The following RHOA variants were observed in gnomAD, a reference collection of about 807,000 sequenced individuals.
RHOA encodes the protein ras homolog family member A.
RHOA carries 3 observed loss-of-function variants against 17.5 expected under a neutral mutation model. That is an observed-to-expected ratio of 0.17 (90% CI 0.08 to 0.44). The LOEUF (loss-of-function observed/expected upper bound fraction) is 0.44, where lower values mean the gene tolerates loss of function less well. Ranked by LOEUF, RHOA falls within the 20% of genes least tolerant of loss-of-function variation. The probability of loss-of-function intolerance (pLI) is 0.99; values close to 1 mark genes in which losing one functional copy is unlikely to be tolerated. For synonymous variants in RHOA, 98 were observed against 88.4 expected, an observed-to-expected ratio of 1.11 and a Z score of -0.61; for missense variants, 56 against 242.3, an observed-to-expected ratio of 0.23 and a Z score of 5.10.
chr3:49,386,499 A>G (rs947525049), intron 1 of RHOA, among the ~76,000 whole-genome samples: 1 of 152,214 alleles, frequency 6.6e-6, no homozygotes, highest in Non-Finnish European at 1.5e-5. Flanking sequence ...CGTCAGTCGC[A>G]CTGCTAGCCA....
rs577925430 is a variant in RHOA, at chr3:49,402,970, G to A, written c.-3+8850C>T. Among the ~76,000 whole-genome samples the A allele has an allele frequency of 4.5e-3, 677 of 151,566 alleles. 5 individuals carry two copies. Among genetic ancestry groups the A allele is most frequent in the Non-Finnish European group, 7.9e-3 (537 of 67,950 alleles). On this transcript the variant is annotated intron_variant, in intron 1 of 4. Transcript: ENST00000418115. ...AAGAATCGCTTGAACCCGAGAGGCG[G>A]AGGTTGCAGTGAGTTGAGATCGTGC... is the stretch of plus-strand genomic sequence containing the variant.
At chr3:49,368,289 C>T in intron 3 of RHOA, 139 bp downstream of exon 3, 1 of 1,098,312 alleles carries the variant, frequency 9.1e-7, no homozygotes, top group South Asian at 1.5e-5. Context: ...CTCTACAATC[C>T]CAAACTCCAG....
intron 1 of RHOA, among the ~76,000 whole-genome samples, chr3:49,385,234 T>C (rs1200535959): frequency 6.7e-6 from 1 of 149,958 alleles, no homozygotes; most frequent in African/African-American, 2.5e-5. Flanking sequence ...TTTTTTTTTT[T>C]TTCTGAGACA....
Position 49,382,629 on chromosome 3 carries a change from C to G in RHOA, c.-2-7038G>C, listed in dbSNP as rs556060198. 9.0e-4 allele frequency among the ~76,000 whole-genome samples: 137 copies of G among 151,720 alleles called. 1 individual carries two copies. Among genetic ancestry groups the G allele is most frequent in the African/African-American group, 3.2e-3 (134 of 41,370 alleles). On this transcript the variant is annotated intron_variant, in intron 1 of 4. Transcript: ENST00000418115. ...CCAGCCTGAGTGACACAGTAAGACCCTGTCTCACCAAATAAAGATTTAATA... is the reference window on the plus strand; with the variant it reads ...CCAGCCTGAGTGACACAGTAAGACCGTGTCTCACCAAATAAAGATTTAATA...
intron 1 of RHOA, among the ~76,000 whole-genome samples, chr3:49,406,395 C>T (rs1331222803): frequency 1.3e-5 from 2 of 152,304 alleles, no homozygotes; most frequent in Middle Eastern, 3.4e-3. Context: ...AGTTAGAATG[C>T]TCAACCATAT....
At chr3:49,408,240 G>A (rs557907145) in intron 1 of RHOA, among the ~76,000 whole-genome samples, 12 of 147,002 alleles carry the variant, frequency 8.2e-5, no homozygotes, top group African/African-American at 1.5e-4. Context: ...ACGTATACAC[G>A]TATATGTACA....
chr3:49,393,729 T>TGTGTGTGAGAGAGA (rs1553635013), intron 1 of RHOA, among the ~76,000 whole-genome samples: 1 of 136,752 alleles, frequency 7.3e-6, no homozygotes, highest in African/African-American at 2.8e-5. Flanking sequence ...TGTGTGTGTG[T>TGTGTGTGAGAGAGA]GACAGAATCT....
intron 1 of RHOA, among the ~76,000 whole-genome samples, chr3:49,403,060 C>T (rs916488415): frequency 4.0e-5 from 6 of 151,154 alleles, no homozygotes; most frequent in Non-Finnish European, 4.4e-5. Context: ...AAAAGAAACC[C>T]GCCGAGCGCG....
At chr3:49,386,800 T>C (rs948621197) in intron 1 of RHOA, among the ~76,000 whole-genome samples, 8 of 152,120 alleles carry the variant, frequency 5.3e-5, no homozygotes, top group African/African-American at 1.9e-4. Context: ...ATATTCAGTA[T>C]GACCGTATGG....
At chr3:49,369,839 G>A (rs896397924) in intron 2 of RHOA, among the ~76,000 whole-genome samples, 5 of 152,276 alleles carry the variant, frequency 3.3e-5, no homozygotes, top group South Asian at 2.1e-4. Context: ...AGGCCAAGGC[G>A]GGCGGATCAC....
chr3:49,404,468 G>A (rs1335870389), intron 1 of RHOA, among the ~76,000 whole-genome samples: 2 of 9,440 alleles, frequency 2.1e-4, no homozygotes, highest in Admixed American at 1.1e-3. Flanking sequence ...AAAATTAGCC[G>A]GGCATGGTGG....
At chr3:49,408,189 TAC>T (rs1559521896) in intron 1 of RHOA, among the ~76,000 whole-genome samples, 2 of 146,614 alleles carry the variant, frequency 1.4e-5, no homozygotes, top group Non-Finnish European at 3.0e-5. Context: ...TATATATATA[TAC>T]ACACACACAT....
At chr3:49,408,096 T>A (rs1428939510) in intron 1 of RHOA, among the ~76,000 whole-genome samples, 1 of 151,876 alleles carries the variant, frequency 6.6e-6, no homozygotes, top group African/African-American at 2.4e-5. Flanking sequence ...GAGGCGGCGG[T>A]TGCAGTGAGC....
At chr3:49,360,645 G>A (rs941987547) in intron 4 of RHOA, among the ~76,000 whole-genome samples, 4 of 151,768 alleles carry the variant, frequency 2.6e-5, no homozygotes. Flanking sequence ...TTTTTTAGTA[G>A]AGATGGGGTT....
In RHOA at chr3:49,368,589, C is replaced by G. The variant is rs28372791; in HGVS notation, c.157-41G>C. Reference sequence around the variant, plus strand: ...CAACCACAAGAGTGCAAGGTTAATCCCCCCACCCACTTTTAGAAAAAGTGA... The same window carrying G: ...CAACCACAAGAGTGCAAGGTTAATCGCCCCACCCACTTTTAGAAAAAGTGA... On this transcript the variant is annotated intron_variant, in intron 2 of 4. Transcript: ENST00000418115. 360 of 1,611,884 alleles carry G rather than the reference C, an allele frequency of 2.2e-4. 1 individual carries two copies. In the East Asian group the frequency reaches 7.9e-3, roughly 35 times the overall value.
intron 1 of RHOA, among the ~76,000 whole-genome samples, chr3:49,393,674 C>CTGTG (rs200446484): frequency 5.5e-3 from 24 of 4,346 alleles, no homozygotes; most frequent in African/African-American, 0.016. Context: ...CAAATTCTCT[C>CTGTG]TCTGTGTGTG....
Position 49,385,212 on chromosome 3 carries a change from C to T in RHOA, c.-2-9621G>A, listed in dbSNP as rs181659739. The stretch of plus-strand genomic sequence containing the variant: ...GTGAGCCACTGCGCCTGGTCCATTG[C>T]CCCCCTACCTTTTTTTTTTTTTTTC... On this transcript the variant is annotated intron_variant, in intron 1 of 4. Transcript: ENST00000418115. 2.7e-3 allele frequency among the ~76,000 whole-genome samples: 408 copies of T among 151,078 alleles called. 3 individuals are homozygous for T. The highest frequency in any genetic ancestry group is 9.2e-3 in the African/African-American group (378 of 41,192).
chr3:49,396,019 A>T (rs934123107), intron 1 of RHOA, among the ~76,000 whole-genome samples: 5 of 152,176 alleles, frequency 3.3e-5, no homozygotes, highest in Admixed American at 3.3e-4. Flanking sequence ...TGCCACCAAC[A>T]CAAAGGAAGT....
intron 1 of RHOA, among the ~76,000 whole-genome samples, chr3:49,380,115 A>G: frequency 6.6e-6 from 1 of 152,290 alleles, no homozygotes; most frequent in South Asian, 2.1e-4. Context: ...GGACTTCCAG[A>G]AAGTCTTTCT....
Sources: allele counts gnomAD v4.1 joint callset (sites outside exome capture counted in the v4.1 genomes callset), GRCh38; gene constraint gnomAD v4.1.1; transcripts MANE v1.5; gene names NCBI Gene and HGNC (gene_info 2026-07-23, HGNC 2026-07-21).